MAD1L1: variants seen among roughly 807,000 people sequenced by gnomAD.
MAD1L1 encodes the protein mitotic arrest deficient 1 like 1.
In MAD1L1, 95 loss-of-function variants were observed where a neutral mutation model predicts 96.9. The observed-to-expected ratio is 0.98, with a 90% CI of 0.83 to 1.16. The LOEUF is 1.16. MAD1L1 is among the 50% of genes most tolerant of loss of function. The pLI, the probability that MAD1L1 is intolerant of heterozygous loss-of-function variation, is 0.00. For missense variants in MAD1L1, 1,007 were observed against 954.4 expected, an observed-to-expected ratio of 1.06 and a Z score of -0.73; for synonymous variants, 473 against 396.6, an observed-to-expected ratio of 1.19 and a Z score of -2.29.
intron 17 of MAD1L1, among the ~76,000 whole-genome samples, chr7:1,900,615 G>A (rs1195838125): frequency 6.6e-6 from 1 of 152,192 alleles, no homozygotes; most frequent in African/African-American, 2.4e-5. Flanking sequence ...TCCTCCCGAA[G>A]ATGGGGCTAT....
chr7:2,194,456 T>C (rs1323038537), intron 10 of MAD1L1, among the ~76,000 whole-genome samples: 2 of 152,152 alleles, frequency 1.3e-5, no homozygotes, highest in Non-Finnish European at 2.9e-5. Flanking sequence ...GACAGTCCTG[T>C]TTCATCCTGG....
At chr7:2,212,714 G>A (rs1441221358) in intron 10 of MAD1L1, among the ~76,000 whole-genome samples, 1 of 152,196 alleles carries the variant, frequency 6.6e-6, no homozygotes, top group African/African-American at 2.4e-5. Flanking sequence ...TTCCTGTACA[G>A]CTGCAGAAGC....
intron 17 of MAD1L1, among the ~76,000 whole-genome samples, chr7:1,925,109 T>C (rs1175746535): frequency 2.0e-5 from 3 of 152,006 alleles, no homozygotes; most frequent in Non-Finnish European, 4.4e-5. Context: ...GCATAAAAAA[T>C]TACATTAACT....
At chr7:1,823,233 C>G (rs925579134) in intron 18 of MAD1L1, among the ~76,000 whole-genome samples, 2 of 151,996 alleles carry the variant, frequency 1.3e-5, no homozygotes, top group Admixed American at 6.6e-5. Context: ...TTTTTTTGAC[C>G]GAAACCTCAC....
intron 17 of MAD1L1, among the ~76,000 whole-genome samples, chr7:1,918,605 C>T (rs1378204704): frequency 6.6e-6 from 1 of 152,202 alleles, no homozygotes; most frequent in East Asian, 1.9e-4. Context: ...CACCTGCAAA[C>T]CCTGTGATTA....
intron 18 of MAD1L1, among the ~76,000 whole-genome samples, chr7:1,824,355 CTT>C (rs111246669): frequency 0.42 from 63,447 of 151,860 alleles, 13,399 homozygotes; most frequent in Non-Finnish European, 0.45. Context: ...ACACACCTCT[CTT>C]GAGCCTGGTC....
intron 17 of MAD1L1, among the ~76,000 whole-genome samples, chr7:1,924,716 G>GT (rs755361093): frequency 2.0e-5 from 3 of 152,128 alleles, no homozygotes; most frequent in Non-Finnish European, 4.4e-5. Flanking sequence ...TGCCTCTTAT[G>GT]TTTTATAAAA....
intron 16 of MAD1L1, among the ~76,000 whole-genome samples, chr7:1,954,389 C>T (rs897033112): frequency 2.6e-5 from 4 of 152,116 alleles, no homozygotes; most frequent in African/African-American, 9.7e-5. Flanking sequence ...GGCCCAGTGT[C>T]CCAGCTATGA....
At position 2,103,925 on chromosome 7, in the gene MAD1L1, C is replaced by A. The variant is rs1356042185; in HGVS notation, c.1074-34587G>T. On this transcript the variant is annotated intron_variant, in intron 11 of 18. Coordinates refer to ENST00000265854, the MANE Select transcript of MAD1L1 (RefSeq NM_001013836.2). This position sits in a 1 kb window ranked among gnomAD's most constrained non-coding sequence, Gnocchi z 4.3. The stretch of plus-strand genomic sequence containing the variant: ...CCATACAACACTCCACCCCGCTGGA[C>A]GTCGGAGAAAGAGGCCCCCAGACAC... 2.0e-5 allele frequency among the ~76,000 whole-genome samples: 3 copies of A among 152,206 alleles called. No homozygotes were observed. The highest frequency in any genetic ancestry group is 4.4e-5 in the Non-Finnish European group (3 of 68,040).
intron 18 of MAD1L1, among the ~76,000 whole-genome samples, chr7:1,887,221 G>C (rs1786094751): frequency 6.6e-6 from 1 of 152,052 alleles, no homozygotes; most frequent in Admixed American, 6.5e-5. Context: ...GAGCATGTGT[G>C]TGTGAGCATG....
At chr7:1,980,308 G>A in intron 15 of MAD1L1, 145 bp downstream of exon 15, 1 of 676,894 alleles carries the variant, frequency 1.5e-6, no homozygotes, top group Non-Finnish European at 2.5e-6. Flanking sequence ...TCCTCCGTGG[G>A]ACACACCTGG....
intron 14 of MAD1L1, among the ~76,000 whole-genome samples, chr7:1,989,412 T>C (rs1781302821): frequency 6.6e-6 from 1 of 152,224 alleles, no homozygotes; most frequent in Non-Finnish European, 1.5e-5. Context: ...AACTGTATGT[T>C]TGACTGAGAT....
Position 2,219,385 on chromosome 7 carries a change from CT to C in MAD1L1, c.542del (p.Lys181SerfsTer62). ...GCTCCTGCTTCTCCGACTCCAGGCG[CT>C]TCACCCGCATCTCCTGGTCCATCAC... ...WSVMDQEMRVKRLESEKQELQ... is the reference protein window; with the variant it reads ...WSVMDQEMRVXRLESEKQELQ... On this transcript the variant is annotated frameshift_variant, in exon 6 of 19. Coordinates refer to ENST00000265854, the MANE Select transcript of MAD1L1 (RefSeq NM_001013836.2). LOFTEE classifies it high-confidence loss of function. 6.2e-7 allele frequency: 1 copy of C among 1,609,848 alleles called. No homozygotes were observed. Among genetic ancestry groups the C allele is most frequent in the Non-Finnish European group, 8.5e-7 (1 of 1,178,072 alleles).
intron 12 of MAD1L1, among the ~76,000 whole-genome samples, chr7:2,052,586 T>TA (rs1336871941): frequency 6.6e-5 from 10 of 152,204 alleles, no homozygotes; most frequent in Non-Finnish European, 1.5e-4. Context: ...AAACCCTACT[T>TA]ACGTTTATAA....
intron 15 of MAD1L1, among the ~76,000 whole-genome samples, chr7:1,975,663 C>G (rs936454637): frequency 2.0e-5 from 3 of 152,208 alleles, no homozygotes; most frequent in Non-Finnish European, 4.4e-5. Flanking sequence ...GCACCTGGCC[C>G]TCTGGAAAGG....
chr7:2,095,508 G>A (rs1343527314), intron 11 of MAD1L1, among the ~76,000 whole-genome samples: 1 of 152,228 alleles, frequency 6.6e-6, no homozygotes, highest in African/African-American at 2.4e-5. Context: ...TGCAAACGGA[G>A]ATGGGCAGTG....
chr7:2,142,132 G>A lies in MAD1L1; in HGVS notation c.1073+7020C>T, dbSNP rs904368579. On this transcript the variant is annotated intron_variant, in intron 11 of 18. Transcript: ENST00000265854. The surrounding 1 kb of genome is among the most constrained non-coding windows in gnomAD (Gnocchi z 4.7). ...GTCCCTCACATTTCCCCAAAAACCC[G>A]CTCACTGGGGCTATCCTACAGACAG... is the stretch of plus-strand genomic sequence containing the variant. Among the ~76,000 whole-genome samples, 11 of 152,176 alleles carry A rather than the reference G, an allele frequency of 7.2e-5. No individual in the cohort carries two copies. The highest frequency in any genetic ancestry group is 1.7e-4 in the African/African-American group (7 of 41,442).
At chr7:1,854,130 T>C (rs1417885977) in intron 18 of MAD1L1, among the ~76,000 whole-genome samples, 1 of 152,080 alleles carries the variant, frequency 6.6e-6, no homozygotes, top group Non-Finnish European at 1.5e-5. Flanking sequence ...CTCACGGGGC[T>C]GCCCAGCCTC....
intron 11 of MAD1L1, among the ~76,000 whole-genome samples, chr7:2,070,555 G>A (rs568181990): frequency 2.0e-5 from 3 of 152,370 alleles, no homozygotes; most frequent in South Asian, 2.1e-4. Context: ...GCGAGTCCGC[G>A]GAGGGAGGGC....
Sources: allele counts gnomAD v4.1 joint callset (sites outside exome capture counted in the v4.1 genomes callset), GRCh38; gene constraint gnomAD v4.1.1; non-coding constraint Gnocchi (gnomAD v3.1); transcripts MANE v1.5; gene names NCBI Gene and HGNC (gene_info 2026-07-23, HGNC 2026-07-21).